GALNT2: variants seen among roughly 807,000 people sequenced by gnomAD.
The protein encoded by GALNT2 is UDP-GalNAc:polypeptide N-acetylgalactosaminyltransferase 2.
GALNT2 carries 31 observed loss-of-function variants against 81.4 expected under a neutral mutation model. The ratio of observed to expected loss-of-function variants is 0.38; its 90% CI spans 0.29 to 0.51. GALNT2 has a LOEUF of 0.51. GALNT2 is among the 20% of genes least tolerant of loss of function. The pLI is 0.87. For missense variants in GALNT2, 629 were observed against 765.7 expected (o/e 0.82, Z 2.11); for synonymous variants, 303 against 287.4 (o/e 1.05, Z -0.55).
intron 2 of GALNT2, among the ~76,000 whole-genome samples, chr1:230,189,309 G>A (rs1426210519): frequency 6.6e-6 from 1 of 152,128 alleles, no homozygotes; most frequent in Non-Finnish European, 1.5e-5. Context: ...CCTGGGCTGT[G>A]TCTTCATCAC....
At position 230,070,763 on chromosome 1, in the gene GALNT2, A is replaced by G. The variant is rs1056528633; in HGVS notation, c.126+3357A>G. ...CTTGCCGGGCTAGACCATGGTACAC[A>G]TGGAGGGGAACGTTAGGGTGTAAAG... On this transcript the variant is annotated intron_variant, in intron 1 of 15. Transcript: ENST00000366672. This position sits in a 1 kb window ranked among gnomAD's most constrained non-coding sequence, Gnocchi z 4.7. Among the ~76,000 whole-genome samples, 3 of 152,206 alleles carry G rather than the reference A, an allele frequency of 2.0e-5. No homozygotes were observed. The highest frequency in any genetic ancestry group is 2.9e-5 in the Non-Finnish European group (2 of 68,034).
chr1:230,256,258 G>A (rs2102754031), intron 11 of GALNT2, among the ~76,000 whole-genome samples: 1 of 152,220 alleles, frequency 6.6e-6, no homozygotes, highest in African/African-American at 2.4e-5. Context: ...GACCAGCCTG[G>A]CCAACATGGA....
At chr1:230,064,093 T>C (rs1318966429), upstream of GALNT2, among the ~76,000 whole-genome samples, 1 of 152,230 alleles carries the variant, frequency 6.6e-6, no homozygotes, top group African/African-American at 2.4e-5. Context: ...GTAGTGATTT[T>C]TATTTATATT....
chr1:230,216,341 G>A (rs911861291), intron 3 of GALNT2, among the ~76,000 whole-genome samples: 1 of 152,186 alleles, frequency 6.6e-6, no homozygotes, highest in Admixed American at 6.5e-5. Context: ...TGGTTTCGGA[G>A]ATTACTTGTG....
At chr1:230,236,544 C>T (rs1327678423) in intron 5 of GALNT2, 116 bp from the exon 6 acceptor site, 1 of 1,393,792 alleles carries the variant, frequency 7.2e-7, no homozygotes, top group Non-Finnish European at 1.0e-6. Context: ...GAAGAGGTGC[C>T]TCTGTGATGC....
intron 1 of GALNT2, among the ~76,000 whole-genome samples, chr1:230,091,241 A>ATTT (rs5781563): frequency 1.2e-4 from 17 of 144,576 alleles, no homozygotes; most frequent in African/African-American, 4.3e-4. Flanking sequence ...AATTTTTTGT[A>ATTT]TTTTTTTTTT....
At chr1:230,148,372 C>A (rs1221719051) in intron 1 of GALNT2, among the ~76,000 whole-genome samples, 3 of 152,354 alleles carry the variant, frequency 2.0e-5, no homozygotes, top group South Asian at 2.1e-4. Context: ...CCCTTCCTCA[C>A]TGTGGACTCC....
At chr1:230,184,211 CAG>C (rs1243110497) in intron 2 of GALNT2, among the ~76,000 whole-genome samples, 1 of 145,658 alleles carries the variant, frequency 6.9e-6, no homozygotes, top group African/African-American at 2.6e-5. Flanking sequence ...TTTTTTGCGA[CAG>C]AGTCTCGCTC....
chr1:230,058,226 T>A (rs757961516), intron 1 of GALNT2: 13 of 424,114 alleles, frequency 3.1e-5, no homozygotes, highest in Non-Finnish European at 5.2e-5. Context: ...AGGGGCAGCC[T>A]GGGCTGGTGA....
chr1:230,201,959 C>T (rs1050252253), intron 2 of GALNT2, among the ~76,000 whole-genome samples: 1 of 152,164 alleles, frequency 6.6e-6, no homozygotes, highest in Non-Finnish European at 1.5e-5. Flanking sequence ...GCAGTTCCAA[C>T]CACTGGAAAT....
chr1:230,094,570 G>A (rs973081939), intron 1 of GALNT2, among the ~76,000 whole-genome samples: 2 of 152,098 alleles, frequency 1.3e-5, no homozygotes, highest in Admixed American at 6.5e-5. Flanking sequence ...CCCGGGAGGC[G>A]GAGGTTGCAG....
At chr1:230,150,199 C>T (rs1042003395) in intron 1 of GALNT2, among the ~76,000 whole-genome samples, 1 of 152,186 alleles carries the variant, frequency 6.6e-6, no homozygotes, top group Non-Finnish European at 1.5e-5. Context: ...GAGCCATCGC[C>T]TGCTTGGTGA....
At chr1:230,095,074 T>G (rs1046260494) in intron 1 of GALNT2, among the ~76,000 whole-genome samples, 2 of 152,108 alleles carry the variant, frequency 1.3e-5, no homozygotes, top group African/African-American at 4.8e-5. Context: ...CTCATACGGT[T>G]CCTTTCTGTC....
chr1:230,185,304 G>A (rs113474482), intron 2 of GALNT2, among the ~76,000 whole-genome samples: 30 of 76,400 alleles, frequency 3.9e-4, no homozygotes, highest in Non-Finnish European at 5.6e-4. Flanking sequence ...GTGTGTGTGC[G>A]CGCGTGTGTG....
At chr1:230,075,121 C>CT (rs34482749) in intron 1 of GALNT2, among the ~76,000 whole-genome samples, 5,774 of 92,542 alleles carry the variant, frequency 0.062, 637 homozygotes, top group African/African-American at 0.19. Context: ...GTCTGTTTTG[C>CT]TTTTTTTTTT....
chr1:230,130,450 G>A (rs1216511436), intron 1 of GALNT2, among the ~76,000 whole-genome samples: 2 of 152,212 alleles, frequency 1.3e-5, no homozygotes, highest in African/African-American at 4.8e-5. Context: ...TCAGCCGGTT[G>A]TGAAGGGTTT....
intron 1 of GALNT2, among the ~76,000 whole-genome samples, chr1:230,094,807 G>T (rs1483192416): frequency 6.6e-6 from 1 of 152,118 alleles, no homozygotes; most frequent in Non-Finnish European, 1.5e-5. Flanking sequence ...ATCTTCTTAG[G>T]TCCCTTGTGT....
At chr1:230,245,030 AG>A (rs1665321924) in intron 7 of GALNT2, among the ~76,000 whole-genome samples, 1 of 152,234 alleles carries the variant, frequency 6.6e-6, no homozygotes, top group African/African-American at 2.4e-5. Context: ...GGCACAGTCC[AG>A]GGTCTCTCAC....
rs1342877248 is a variant in GALNT2, at chr1:230,279,482, C to A, written c.*24C>A. ...AGGAGGGTCCGGGAGGCCCTGCCGT[C>A]CTGTCTCCTGCACCATTGGGTGGAG... On this transcript the variant is annotated 3_prime_UTR_variant, in exon 16 of 16. Coordinates refer to ENST00000366672, the MANE Select transcript of GALNT2 (RefSeq NM_004481.5). The surrounding 1 kb of genome is among the most constrained non-coding windows in gnomAD (Gnocchi z 4.6). 1.2e-6 allele frequency: 2 copies of A among 1,610,198 alleles called. No homozygotes were observed. The highest frequency in any genetic ancestry group is 2.2e-5 in the South Asian group (2 of 90,660).
Sources: allele counts gnomAD v4.1 joint callset (sites outside exome capture counted in the v4.1 genomes callset), GRCh38; gene constraint gnomAD v4.1.1; non-coding constraint Gnocchi (gnomAD v3.1); transcripts MANE v1.5; gene names NCBI Gene and HGNC (gene_info 2026-07-23, HGNC 2026-07-21).